Variants in DAZAP1 observed in about 807,000 individuals in gnomAD.
The protein encoded by DAZAP1 is DAZ-associated protein 1.
In DAZAP1, 6 loss-of-function variants were observed where a neutral mutation model predicts 60.1. That is an observed-to-expected ratio of 0.10 (90% CI 0.05 to 0.20). DAZAP1 has a LOEUF of 0.20. DAZAP1 is among the 10% of genes least tolerant of loss of function. The probability of loss-of-function intolerance (pLI) is 1.00; values close to 1 mark genes in which losing one functional copy is unlikely to be tolerated. For missense variants in DAZAP1, 366 were observed against 560.4 expected (o/e 0.65, Z 3.50); for synonymous variants, 235 against 215.9 (o/e 1.09, Z -0.78).
At chr19:1,420,402 C>T (rs1332759941) in intron 4 of DAZAP1, among the ~76,000 whole-genome samples, 10 of 151,878 alleles carry the variant, frequency 6.6e-5, no homozygotes, top group African/African-American at 2.2e-4. Flanking sequence ...ACCGTCACGG[C>T]GGCGAGCACT....
At chr19:1,414,487 C>A (rs1464218979) in intron 1 of DAZAP1, among the ~76,000 whole-genome samples, 1 of 152,146 alleles carries the variant, frequency 6.6e-6, no homozygotes, top group Non-Finnish European at 1.5e-5. Context: ...CTACTCACGC[C>A]TGTCATCCCA....
At position 1,417,559 on chromosome 19, in the gene DAZAP1, T is replaced by C. The variant is rs759586599; in HGVS notation, c.70+19T>C. ...ACCCAAGGTAGGTGGGGAAGGGGTG[T>C]CAGGTGGGTACTGCAGATGGGCTCT... On this transcript the variant is annotated intron_variant, in intron 2 of 11. Coordinates refer to ENST00000233078, the MANE Select transcript of DAZAP1 (RefSeq NM_018959.4). The C allele has an allele frequency of 2.9e-5, 46 of 1,600,168 alleles. No individual in the cohort carries two copies. Among genetic ancestry groups the C allele is most frequent in the Non-Finnish European group, 3.7e-5 (44 of 1,173,652 alleles).
At position 1,432,424 on chromosome 19, in the gene DAZAP1, C is replaced by A; in HGVS notation, c.872-90C>A. On this transcript the variant is annotated intron_variant, in intron 10 of 11. Transcript: ENST00000233078. The surrounding 1 kb of genome is among the most constrained non-coding windows in gnomAD (Gnocchi z 4.9). ...GGTTTGGGTGGCAGTCCCGTCTGGG[C>A]AGCTCCTGCTGGGCTGGGTGTGGGT... is the stretch of plus-strand genomic sequence containing the variant. 3 of 1,400,188 alleles carry A rather than the reference C, an allele frequency of 2.1e-6. No individual in the cohort carries two copies. The highest frequency in any genetic ancestry group is 2.0e-6 in the Non-Finnish European group (2 of 995,338). The allele number at this position is 1,400,188 out of a possible 1,614,324, so 86.7% of individuals were successfully genotyped here.
intron 10 of DAZAP1, among the ~76,000 whole-genome samples, chr19:1,431,866 G>A (rs188779187): frequency 2.0e-5 from 3 of 152,166 alleles, no homozygotes; most frequent in South Asian, 4.1e-4. Context: ...CTGGGCCCTG[G>A]GGGTGTTTGA....
chr19:1,426,219 G>A lies in DAZAP1; in HGVS notation c.546+259G>A. ...GGGTGACCTGGGACTGGGCGGGTAG[G>A]GGGCTGGGGCTGGGAGGCTGTGGCG... On this transcript the variant is annotated intron_variant, in intron 7 of 11. Coordinates refer to ENST00000233078, the MANE Select transcript of DAZAP1 (RefSeq NM_018959.4). The surrounding 1 kb of genome is among the most constrained non-coding windows in gnomAD (Gnocchi z 5.4). The A allele has an allele frequency of 2.2e-6, 1 of 449,648 alleles. No homozygotes were observed. Among genetic ancestry groups the A allele is most frequent in the South Asian group, 2.2e-5 (1 of 45,812 alleles). The allele number at this position is 449,648 out of a possible 1,614,324, so 27.9% of individuals were successfully genotyped here.
chr19:1,407,670 G>A lies in DAZAP1; in HGVS notation c.-104G>A. ...CCGCCGCCGCCGCCGCCGTTGCGCAGATCCGGGCCGCGGCTGTGGGGAGGG... is the reference window on the plus strand; with the variant it reads ...CCGCCGCCGCCGCCGCCGTTGCGCAAATCCGGGCCGCGGCTGTGGGGAGGG... On this transcript the variant is annotated 5_prime_UTR_variant, in exon 1 of 12. Transcript: ENST00000233078. The A allele has an allele frequency of 4.4e-6, 3 of 685,776 alleles. No homozygotes were observed. The highest frequency in any genetic ancestry group is 5.3e-6 in the Non-Finnish European group (3 of 566,570). 42.5% of individuals were successfully genotyped at this position (685,776 alleles called of 1,614,324 possible).
chr19:1,420,960 T>C (rs887444998), intron 4 of DAZAP1, among the ~76,000 whole-genome samples, 188 bp from the exon 5 acceptor site: 2 of 152,186 alleles, frequency 1.3e-5, no homozygotes, highest in African/African-American at 4.8e-5. Flanking sequence ...CTTGGGTCTC[T>C]CTAGAAAAGT....
chr19:1,432,428 T>C lies in DAZAP1; in HGVS notation c.872-86T>C. The C allele has an allele frequency of 7.6e-6, 11 of 1,443,822 alleles. No individual in the cohort carries two copies. Among genetic ancestry groups the C allele is most frequent in the Non-Finnish European group, 1.1e-5 (11 of 1,033,256 alleles). The allele number at this position is 1,443,822 out of a possible 1,614,324, so 89.4% of individuals were successfully genotyped here. A position where few individuals can be genotyped will look rare whatever the true frequency, so the allele number is the denominator to read the frequency against. ...TGGGTGGCAGTCCCGTCTGGGCAGC[T>C]CCTGCTGGGCTGGGTGTGGGTCTCC... is the stretch of plus-strand genomic sequence containing the variant. On this transcript the variant is annotated intron_variant, in intron 10 of 11. Transcript: ENST00000233078. The surrounding 1 kb of genome is among the most constrained non-coding windows in gnomAD (Gnocchi z 4.9).
Position 1,434,267 on chromosome 19 carries a change from T to G in DAZAP1, c.1049-470T>G. On this transcript the variant is annotated intron_variant, in intron 11 of 11. Coordinates refer to ENST00000233078, the MANE Select transcript of DAZAP1 (RefSeq NM_018959.4). The surrounding 1 kb of genome is among the most constrained non-coding windows in gnomAD (Gnocchi z 8.0). Reference sequence around the variant, plus strand: ...ACACGTGCCACCGATGGACGTGCCCTGACAGGAAGGACAACGTGGGGTCTG... The same window carrying G: ...ACACGTGCCACCGATGGACGTGCCCGGACAGGAAGGACAACGTGGGGTCTG... The G allele has an allele frequency of 4.8e-6, 1 of 206,564 alleles. No individual in the cohort carries two copies. The highest frequency in any genetic ancestry group is 9.9e-6 in the Non-Finnish European group (1 of 101,358). 12.8% of individuals were successfully genotyped at this position (206,564 alleles called of 1,614,324 possible).
At chr19:1,415,202 G>A (rs556220960) in intron 1 of DAZAP1, among the ~76,000 whole-genome samples, 2 of 152,086 alleles carry the variant, frequency 1.3e-5, no homozygotes, top group African/African-American at 4.8e-5. Context: ...CTGGTCTGAC[G>A]AGTTCCTTCT....
In DAZAP1 at chr19:1,418,111, G is replaced by T. The variant is rs2083041258; in HGVS notation, c.71-93G>T. On this transcript the variant is annotated intron_variant, in intron 2 of 11. Coordinates refer to ENST00000233078, the MANE Select transcript of DAZAP1 (RefSeq NM_018959.4). The surrounding 1 kb of genome is among the most constrained non-coding windows in gnomAD (Gnocchi z 5.7). ...AGCATCGCTCGGTGCGTGGCTGGTGGACTGGAGGAGTGTGCGTGCCGGCAG... is the reference window on the plus strand; with the variant it reads ...AGCATCGCTCGGTGCGTGGCTGGTGTACTGGAGGAGTGTGCGTGCCGGCAG... 2 of 1,337,730 alleles carry T rather than the reference G, an allele frequency of 1.5e-6. No individual in the cohort carries two copies. The highest frequency in any genetic ancestry group is 2.1e-6 in the Non-Finnish European group (2 of 947,264). The allele number at this position is 1,337,730 out of a possible 1,614,324, so 82.9% of individuals were successfully genotyped here.
At position 1,426,652 on chromosome 19, in the gene DAZAP1, G is replaced by A. The variant is rs1029114319; in HGVS notation, c.546+692G>A. 1 of 152,220 alleles carries A rather than the reference G, an allele frequency of 6.6e-6. No individual in the cohort carries two copies. The highest frequency in any genetic ancestry group is 1.5e-5 in the Non-Finnish European group (1 of 68,040). The allele number at this position is 152,220 out of a possible 1,614,324, so 9.4% of individuals were successfully genotyped here. A position where few individuals can be genotyped will look rare whatever the true frequency, so the allele number is the denominator to read the frequency against. ...AAATCCTTGTTTTACCTGGACCCTTGGAGGTTCTTGAGAAGTGGACTCTGA... is the reference window on the plus strand; with the variant it reads ...AAATCCTTGTTTTACCTGGACCCTTAGAGGTTCTTGAGAAGTGGACTCTGA... On this transcript the variant is annotated intron_variant, in intron 7 of 11. Coordinates refer to ENST00000233078, the MANE Select transcript of DAZAP1 (RefSeq NM_018959.4). The surrounding 1 kb of genome is among the most constrained non-coding windows in gnomAD (Gnocchi z 5.4).
At chr19:1,411,106 G>A (rs960523911) in intron 1 of DAZAP1, among the ~76,000 whole-genome samples, 1 of 152,250 alleles carries the variant, frequency 6.6e-6, no homozygotes, top group Non-Finnish European at 1.5e-5. Context: ...CAAGATTGTT[G>A]GTCAGGCCAG....
In DAZAP1 at chr19:1,423,325, T is replaced by C. The variant is rs945461232; in HGVS notation, c.463+929T>C. The stretch of plus-strand genomic sequence containing the variant: ...ATTTAGACATACATGCTTAGTGACG[T>C]ACTTAAGTGTTTCATAGTAAAGTAC... On this transcript the variant is annotated intron_variant, in intron 6 of 11. Transcript: ENST00000233078. The surrounding 1 kb of genome is among the most constrained non-coding windows in gnomAD (Gnocchi z 6.8). 2.0e-5 allele frequency among the ~76,000 whole-genome samples: 3 copies of C among 152,288 alleles called. No homozygotes were observed. The highest frequency in any genetic ancestry group is 2.9e-5 in the Non-Finnish European group (2 of 68,048).
chr19:1,434,414 G>A lies in DAZAP1; in HGVS notation c.1049-323G>A. The A allele has an allele frequency of 6.5e-6, 2 of 307,608 alleles. No individual in the cohort carries two copies. Among genetic ancestry groups the A allele is most frequent in the Non-Finnish European group, 1.2e-5 (2 of 163,262 alleles). 19.1% of individuals were successfully genotyped at this position (307,608 alleles called of 1,614,324 possible). A position where few individuals can be genotyped will look rare whatever the true frequency, so the allele number is the denominator to read the frequency against. On this transcript the variant is annotated intron_variant, in intron 11 of 11. Coordinates refer to ENST00000233078, the MANE Select transcript of DAZAP1 (RefSeq NM_018959.4). The surrounding 1 kb of genome is among the most constrained non-coding windows in gnomAD (Gnocchi z 8.0). ...TGCCTTGGGCCATGTGTGTCTCCAA[G>A]CCCCGAGGCTTCTCTACCTCCCCTC...
intron 1 of DAZAP1, among the ~76,000 whole-genome samples, chr19:1,414,931 C>A (rs2082933430): frequency 6.6e-6 from 1 of 151,902 alleles, no homozygotes. Flanking sequence ...AACGATCCTT[C>A]TGCCTCAGCC....
chr19:1,412,575 C>T (rs942689716), intron 1 of DAZAP1, among the ~76,000 whole-genome samples: 2 of 152,182 alleles, frequency 1.3e-5, no homozygotes, highest in South Asian at 2.1e-4. Flanking sequence ...CCCCGAATGG[C>T]CGGGCTGGCC....
At chr19:1,430,752 A>C (rs1600244411) in intron 10 of DAZAP1, among the ~76,000 whole-genome samples, 1 of 143,116 alleles carries the variant, frequency 7.0e-6, no homozygotes, top group Admixed American at 7.1e-5. Flanking sequence ...ATGGAGTTTC[A>C]CTCTGTAGCC....
intron 8 of DAZAP1, among the ~76,000 whole-genome samples, chr19:1,429,682 G>C (rs749594887): frequency 3.9e-5 from 6 of 152,222 alleles, no homozygotes; most frequent in Non-Finnish European, 7.3e-5. Flanking sequence ...TTTCTCTGGG[G>C]TCCTCAGGTG....
Sources: allele counts gnomAD v4.1 joint callset (sites outside exome capture counted in the v4.1 genomes callset), GRCh38; gene constraint gnomAD v4.1.1; non-coding constraint Gnocchi (gnomAD v3.1); transcripts MANE v1.5; gene names NCBI Gene and HGNC (gene_info 2026-07-23, HGNC 2026-07-21).